Variants in NCOA2 observed in about 807,000 individuals in gnomAD.
The protein encoded by NCOA2 is nuclear receptor coactivator 2, also known as class E basic helix-loop-helix protein 75.
A neutral mutation model predicts 145.1 loss-of-function variants in NCOA2; 21 were observed. The observed-to-expected ratio is 0.14, with a 90% CI of 0.10 to 0.21. The LOEUF (loss-of-function observed/expected upper bound fraction) is 0.21, where lower values mean the gene tolerates loss of function less well. Ranked by LOEUF, NCOA2 falls within the 10% of genes least tolerant of loss-of-function variation. The pLI is 1.00. For synonymous variants in NCOA2, 619 were observed against 637.5 expected, an observed-to-expected ratio of 0.97 and a Z score of 0.44; for missense variants, 1,472 against 1,837.6, an observed-to-expected ratio of 0.80 and a Z score of 3.64.
chr8:70,137,371 CT>C (rs1311139031), intron 15 of NCOA2, among the ~76,000 whole-genome samples: 1 of 152,204 alleles, frequency 6.6e-6, no homozygotes, highest in African/African-American at 2.4e-5. Flanking sequence ...AACTCTCCTC[CT>C]GTTTGGGCAA....
chr8:70,382,298 G>T (rs909595631), intron 1 of NCOA2, among the ~76,000 whole-genome samples: 12 of 151,936 alleles, frequency 7.9e-5, no homozygotes, highest in African/African-American at 2.9e-4. Flanking sequence ...ACACAAGCAG[G>T]CAGACGGCTT....
At chr8:70,301,432 T>G (rs571881157) in intron 1 of NCOA2, among the ~76,000 whole-genome samples, 1 of 151,826 alleles carries the variant, frequency 6.6e-6, no homozygotes, top group Non-Finnish European at 1.5e-5. Context: ...AGCAGGCATA[T>G]CACTTGAGCC....
chr8:70,225,922 C>G (rs992078630), intron 2 of NCOA2, among the ~76,000 whole-genome samples: 1 of 152,084 alleles, frequency 6.6e-6, no homozygotes, highest in Admixed American at 6.6e-5. Flanking sequence ...AGCAATAATA[C>G]ATACCTTTAT....
intron 1 of NCOA2, among the ~76,000 whole-genome samples, chr8:70,389,715 C>T (rs1813015354): frequency 6.6e-6 from 1 of 152,058 alleles, no homozygotes; most frequent in Non-Finnish European, 1.5e-5. Context: ...GTTGCCCAGG[C>T]TGGAGTGCAA....
chr8:70,253,340 A>C (rs905212523), intron 2 of NCOA2, among the ~76,000 whole-genome samples: 18 of 152,208 alleles, frequency 1.2e-4, no homozygotes, highest in Non-Finnish European at 4.4e-5. Flanking sequence ...CCAATGACGC[A>C]TAAGGCACTA....
At position 70,155,966 on chromosome 8, in the gene NCOA2, C is replaced by T; in HGVS notation, c.2394+5G>A. On this transcript the variant is annotated splice_donor_5th_base_variant and intron_variant, in intron 11 of 22. Coordinates refer to ENST00000452400, the MANE Select transcript of NCOA2 (RefSeq NM_006540.4). Reference sequence around the variant, plus strand: ...ACACCTGCGAGAAGATGTGATAAAACTTACCTGGTCACCAGGCTCAAAGCT... The same window carrying T: ...ACACCTGCGAGAAGATGTGATAAAATTTACCTGGTCACCAGGCTCAAAGCT... The T allele has an allele frequency of 1.3e-6, 2 of 1,555,954 alleles. No individual in the cohort carries two copies. Among genetic ancestry groups the T allele is most frequent in the Non-Finnish European group, 1.7e-6 (2 of 1,155,098 alleles).
chr8:70,315,866 C>G (rs1328896861), intron 1 of NCOA2, among the ~76,000 whole-genome samples: 1 of 152,146 alleles, frequency 6.6e-6, no homozygotes, highest in East Asian at 1.9e-4. Context: ...CAGAGAGGAA[C>G]CAAGATAGAG....
At chr8:70,455,414 TA>T in the NCOA2 span, among the ~76,000 whole-genome samples, 8 of 152,256 alleles carry the variant, frequency 5.3e-5, no homozygotes, top group African/African-American at 1.9e-4. Context: ...TAAATTTGCT[TA>T]GAAAGTGGGA....
chr8:70,368,290 C>A (rs1052364284), intron 1 of NCOA2, among the ~76,000 whole-genome samples: 2 of 152,054 alleles, frequency 1.3e-5, no homozygotes, highest in Non-Finnish European at 2.9e-5. Flanking sequence ...AGTGCAAGGC[C>A]GCATAGGGAA....
chr8:70,327,472 C>G (rs1806698236), intron 1 of NCOA2, among the ~76,000 whole-genome samples: 1 of 152,154 alleles, frequency 6.6e-6, no homozygotes, highest in South Asian at 2.1e-4. Flanking sequence ...ATTGCTTTAA[C>G]TGATTCTGTT....
At chr8:70,451,420 A>G in the NCOA2 span, among the ~76,000 whole-genome samples, 1 of 146,736 alleles carries the variant, frequency 6.8e-6, no homozygotes, top group Non-Finnish European at 1.5e-5. Context: ...AAAAAAAAAA[A>G]AGGAGGAAAC....
rs575587018 is a variant in NCOA2 at position 70,261,586 on chromosome 8, T to TATA, written c.-20+35155_-20+35157dup. 2.9e-3 allele frequency among the ~76,000 whole-genome samples: 431 copies of TATA among 151,168 alleles called. 1 individual carries two copies. Among genetic ancestry groups the TATA allele is most frequent in the Admixed American group, 5.4e-3 (82 of 15,166 alleles). ...CGCACATGTACCCTAAAACTTAAAG[T>TATA]ATAATAATAATAATAATAATAAATG... On this transcript the variant is annotated intron_variant, in intron 2 of 22. Transcript: ENST00000452400.
chr8:70,241,046 C>A (rs905077674), intron 2 of NCOA2, among the ~76,000 whole-genome samples: 5 of 152,202 alleles, frequency 3.3e-5, no homozygotes, highest in African/African-American at 1.2e-4. Context: ...GTTACTGATT[C>A]AAAGACTATG....
chr8:70,432,556 G>A, the NCOA2 span, among the ~76,000 whole-genome samples: 5 of 152,280 alleles, frequency 3.3e-5, no homozygotes, highest in South Asian at 6.2e-4. Flanking sequence ...CCAGCTACTC[G>A]AAAGGCCGAG....
chr8:70,447,895 G>T, the NCOA2 span, among the ~76,000 whole-genome samples: 3 of 151,962 alleles, frequency 2.0e-5, no homozygotes, highest in Non-Finnish European at 4.4e-5. Flanking sequence ...ATATTGCCCA[G>T]GCTGGTCTCA....
the NCOA2 span, among the ~76,000 whole-genome samples, chr8:70,421,159 A>G: frequency 6.6e-6 from 1 of 152,200 alleles, no homozygotes. Flanking sequence ...CAAGTGTATT[A>G]GGTATACAGA....
chr8:70,398,477 T>TAAC (rs768061883), intron 1 of NCOA2, among the ~76,000 whole-genome samples: 1 of 151,910 alleles, frequency 6.6e-6, no homozygotes, highest in African/African-American at 2.4e-5. Context: ...ATAATAATAA[T>TAAC]AACAACAACA....
intron 2 of NCOA2, among the ~76,000 whole-genome samples, chr8:70,228,920 G>A (rs1466047646): frequency 6.6e-6 from 1 of 152,178 alleles, no homozygotes; most frequent in Non-Finnish European, 1.5e-5. Flanking sequence ...AACTAAGCTA[G>A]CTCTCAGAGA....
intron 2 of NCOA2, among the ~76,000 whole-genome samples, chr8:70,271,657 C>A (rs1328765146): frequency 1.3e-5 from 2 of 152,314 alleles, no homozygotes; most frequent in East Asian, 3.9e-4. Flanking sequence ...AACATGTCAG[C>A]ACTCTGCTCT....
Sources: gnomAD v4.1 joint callset for allele counts (sites outside exome capture counted in the v4.1 genomes callset) on GRCh38, gnomAD v4.1.1 for gene constraint, MANE v1.5 for transcripts, NCBI Gene and HGNC (gene_info 2026-07-23, HGNC 2026-07-21) for gene names.